Variants in SPDL1 observed in about 807,000 individuals in gnomAD.
SPDL1 encodes the protein protein Spindly.
A neutral mutation model predicts 79.5 loss-of-function variants in SPDL1; 85 were observed. That is an observed-to-expected ratio of 1.07 (90% CI 0.90 to 1.28). The LOEUF is 1.28. SPDL1 is among the 50% of genes most tolerant of loss of function. The pLI is 0.00. For missense variants in SPDL1, 703 were observed against 697.8 expected (o/e 1.01, Z -0.08); for synonymous variants, 269 against 240.3 (o/e 1.12, Z -1.10).
In SPDL1 at chr5:169,604,148, C is replaced by T; in HGVS notation, c.1759C>T (p.His587Tyr). The T allele has an allele frequency of 6.2e-7, 1 of 1,613,124 alleles. No homozygotes were observed. The highest frequency in any genetic ancestry group is 8.5e-7 in the Non-Finnish European group (1 of 1,179,638). ...KLEKETCKKLHPILYVSSKST... is the reference protein window; with the variant it reads ...KLEKETCKKLYPILYVSSKST... ...GGAAAAAGAAACTTGTAAGAAATTA[C>T]ACCCTATTCTATATGTGTCTTCTAA... Residue 587 changes from histidine (H) to tyrosine (Y), a missense_variant, in exon 12 of 12, where the codon CAC becomes TAC. Physicochemically the swap from His to Tyr is moderately conservative, Grantham distance 83. Transcript: ENST00000265295.
Position 169,596,803 on chromosome 5 carries a change from G to A in SPDL1, c.1032+102G>A, listed in dbSNP as rs1247359327. 3 of 948,514 alleles carry A rather than the reference G, an allele frequency of 3.2e-6. No individual in the cohort carries two copies. In the African/African-American group the frequency reaches 5.2e-5, roughly 17 times the overall value. 58.8% of individuals were successfully genotyped at this position (948,514 alleles called of 1,614,324 possible). On this transcript the variant is annotated intron_variant, in intron 8 of 11. Transcript: ENST00000265295. Reference sequence around the variant, plus strand: ...TAAATTATTAATAAATATCTTGTGGGAGATACTTTGAGACTAAGTAAATGG... The same window carrying A: ...TAAATTATTAATAAATATCTTGTGGAAGATACTTTGAGACTAAGTAAATGG...
intron 1 of SPDL1, 166 bp from the exon 2 acceptor site, chr5:169,588,228 T>G (rs1200748253): frequency 2.0e-6 from 1 of 488,352 alleles, no homozygotes; most frequent in South Asian, 3.2e-5. Context: ...AGAACAGTTC[T>G]TGCTCTTGGA....
intron 7 of SPDL1, 121 bp from the exon 8 acceptor site, chr5:169,596,440 A>T (rs1406289543): frequency 3.8e-6 from 3 of 792,028 alleles, no homozygotes; most frequent in Non-Finnish European, 5.9e-6. Context: ...GAAATAGCTA[A>T]TTTAGTTTCC....
At chr5:169,586,720 TACCTTCAAA>T (rs1025708188) in intron 1 of SPDL1, among the ~76,000 whole-genome samples, 9 of 152,318 alleles carry the variant, frequency 5.9e-5, no homozygotes, top group African/African-American at 2.2e-4. Flanking sequence ...ATATTGACCT[TACCTTCAAA>T]ACCTTCAAAA....
chr5:169,586,946 A>G (rs922412636), intron 1 of SPDL1, among the ~76,000 whole-genome samples: 2 of 152,148 alleles, frequency 1.3e-5, no homozygotes, highest in Non-Finnish European at 2.9e-5. Context: ...TAATGGCCTG[A>G]TTTGCCCACT....
rs149109023 is a variant in SPDL1 at position 169,601,568 on chromosome 5, T to C, written c.1613T>C (p.Val538Ala). The part of the protein sequence containing the change: ...KEKKCVKLIG[V>A]PADAEALSER... ...AAGAAATGTGTGAAACTCATAGGAG[T>C]TCCCGCTGACGCTGAGGCCTTAAGT... The change falls in exon 11 of 12, where the codon GTT (valine) becomes GCT (alanine). Residue 538 changes from valine (V) to alanine (A), a missense_variant. By Grantham distance (64) the Val-to-Ala change is moderately conservative. Coordinates refer to ENST00000265295, the MANE Select transcript of SPDL1 (RefSeq NM_017785.5). 1.2e-6 allele frequency: 2 copies of C among 1,614,092 alleles called. No homozygotes were observed. Among genetic ancestry groups the C allele is most frequent in the East Asian group, 4.5e-5 (2 of 44,880 alleles).
At position 169,596,720 on chromosome 5, in the gene SPDL1, A is replaced by C. The variant is rs779833644; in HGVS notation, c.1032+19A>C. ...ATTTAAGGTATGTATAACAGTTAAA[A>C]AAACACACATCCAAATTTTGATTTG... is the stretch of plus-strand genomic sequence containing the variant. On this transcript the variant is annotated intron_variant, in intron 8 of 11. Coordinates refer to ENST00000265295, the MANE Select transcript of SPDL1 (RefSeq NM_017785.5). The C allele has an allele frequency of 3.6e-5, 55 of 1,543,638 alleles. No individual in the cohort carries two copies. Among genetic ancestry groups the C allele is most frequent in the Non-Finnish European group, 1.6e-5 (18 of 1,153,604 alleles).
At position 169,593,355 on chromosome 5, in the gene SPDL1, T is replaced by G. The variant is rs1247707403; in HGVS notation, c.338T>G (p.Ile113Arg). The G allele has an allele frequency of 6.3e-7, 1 of 1,580,712 alleles. No individual in the cohort carries two copies. The highest frequency in any genetic ancestry group is 1.4e-5 in the African/African-American group (1 of 72,496). Residue 113 changes from isoleucine to arginine, a missense_variant and splice_region_variant, in exon 4 of 12, where the codon ATA (isoleucine) becomes AGA (arginine). Transcript: ENST00000265295. Reference sequence around the variant, plus strand: ...TGACTTTTTTTTTTTTGGCTTTAGATAGAAAAACTGAAAGTGGAATTAGAT... The same window carrying G: ...TGACTTTTTTTTTTTTGGCTTTAGAGAGAAAAACTGAAAGTGGAATTAGAT... ...GQEVNELKTK[I>R]EKLKVELDEA...
At position 169,599,041 on chromosome 5, in the gene SPDL1, G is replaced by A. The variant is rs1021573762; in HGVS notation, c.1206G>A (p.Arg402=). ...QRMKALFESQ[R]ALDIERKLFA... The stretch of plus-strand genomic sequence containing the variant: ...TGAAAGCATTATTTGAGAGCCAGCG[G>A]GCTCTAGATATTGAGCGAAAACTTT... Residue 402 remains arginine, a synonymous_variant, in exon 10 of 12, where the codon CGG becomes CGA. Coordinates refer to ENST00000265295, the MANE Select transcript of SPDL1 (RefSeq NM_017785.5). 3 of 1,595,508 alleles carry A rather than the reference G, an allele frequency of 1.9e-6. No homozygotes were observed. Among genetic ancestry groups the A allele is most frequent in the Non-Finnish European group, 2.6e-6 (3 of 1,166,982 alleles).
At chr5:169,585,848 G>A (rs1754961036) in intron 1 of SPDL1, 1 of 152,170 alleles carries the variant, frequency 6.6e-6, no homozygotes, top group Non-Finnish European at 1.5e-5. Flanking sequence ...TTCCACCACT[G>A]TACCTGCTTA....
intron 2 of SPDL1, 32 bp downstream of exon 2, chr5:169,588,607 T>A (rs1256917530): frequency 6.6e-5 from 102 of 1,554,108 alleles, no homozygotes; most frequent in Non-Finnish European, 8.7e-5. Context: ...TCTGCAAGAG[T>A]GTGCTTAGCT....
Position 169,604,364 on chromosome 5 carries a change from G to T in SPDL1, c.*157G>T. 1.6e-6 allele frequency: 1 copy of T among 640,784 alleles called. No homozygotes were observed. The allele number at this position is 640,784 out of a possible 1,614,324, so 39.7% of individuals were successfully genotyped here. A position where few individuals can be genotyped will look rare whatever the true frequency, so the allele number is the denominator to read the frequency against. ...GCCTTTGACCAAGTGTTCAGAATTT[G>T]CTTGACTCTAACCTGGAGAGCTTCT... On this transcript the variant is annotated 3_prime_UTR_variant, in exon 12 of 12. Coordinates refer to ENST00000265295, the MANE Select transcript of SPDL1 (RefSeq NM_017785.5).
At chr5:169,592,214 C>CTTTTTT (rs397884840) in intron 3 of SPDL1, among the ~76,000 whole-genome samples, 8 of 97,050 alleles carry the variant, frequency 8.2e-5, no homozygotes, top group Admixed American at 1.4e-4. Context: ...TTTTTTTTTC[C>CTTTTTT]TTTTTTTTTT....
In SPDL1 at chr5:169,596,618, G is replaced by A. The variant is rs779879065; in HGVS notation, c.949G>A (p.Glu317Lys). The change falls in exon 8 of 12, where the codon GAA (glutamate) becomes AAA (lysine). Residue 317 changes from glutamate to lysine, a missense_variant. Physicochemically the swap from Glu to Lys is moderately conservative, Grantham distance 56 (BLOSUM62 1). Coordinates refer to ENST00000265295, the MANE Select transcript of SPDL1 (RefSeq NM_017785.5). ...GTCTCAAACTGAATTTGAGCAGCAG[G>A]AACGGTTGCTTGCCATGTTGGAGCA... Reference protein sequence around the residue: ...KGSQTEFEQQERLLAMLEQKN... With the variant: ...KGSQTEFEQQKRLLAMLEQKN... 3.1e-6 allele frequency: 5 copies of A among 1,609,228 alleles called. No homozygotes were observed. The South Asian group carries it at 5.6e-5, about 18-fold the overall frequency.
chr5:169,592,610 G>A (rs1755352638), intron 3 of SPDL1, among the ~76,000 whole-genome samples: 1 of 152,020 alleles, frequency 6.6e-6, no homozygotes, highest in Admixed American at 6.5e-5. Flanking sequence ...TAATCATCTT[G>A]CATACCACTC....
At chr5:169,584,763 C>G (rs1442583976) in intron 1 of SPDL1, among the ~76,000 whole-genome samples, 1 of 152,210 alleles carries the variant, frequency 6.6e-6, no homozygotes, top group Non-Finnish European at 1.5e-5. Context: ...AAGCAAGTTA[C>G]TTAAAACTTT....
chr5:169,599,838 A>T (rs763977205), intron 10 of SPDL1, among the ~76,000 whole-genome samples: 4 of 152,130 alleles, frequency 2.6e-5, no homozygotes, highest in Non-Finnish European at 5.9e-5. Flanking sequence ...GCTCTTGGGG[A>T]GGCAGAGGGA....
chr5:169,588,275 GA>G, intron 1 of SPDL1, 118 bp from the exon 2 acceptor site: 2 of 659,288 alleles, frequency 3.0e-6, no homozygotes, highest in Middle Eastern at 4.5e-4. Flanking sequence ...TAGTCAGGAA[GA>G]AAATTTTAAT....
chr5:169,591,051 T>C lies in SPDL1; in HGVS notation c.163T>C (p.Tyr55His), dbSNP rs1755251187. The change falls in exon 3 of 12, where the codon TAT (tyrosine) becomes CAT (histidine). Residue 55 changes from tyrosine to histidine, a missense_variant. Physicochemically the swap from Tyr to His is moderately conservative, Grantham distance 83 (BLOSUM62 2). Coordinates refer to ENST00000265295, the MANE Select transcript of SPDL1 (RefSeq NM_017785.5). ...RNEMMTMTESYEQEKYTLQRE... is the reference protein window; with the variant it reads ...RNEMMTMTESHEQEKYTLQRE... Reference sequence around the variant, plus strand: ...TTGTAATTGAATCTGTTTTCAGAGTTATGAACAAGAAAAATATACCCTTCA... The same window carrying C: ...TTGTAATTGAATCTGTTTTCAGAGTCATGAACAAGAAAAATATACCCTTCA... 1 of 1,611,500 alleles carries C rather than the reference T, an allele frequency of 6.2e-7. No individual in the cohort carries two copies. The highest frequency in any genetic ancestry group is 1.7e-5 in the Admixed American group (1 of 59,562).
Sources: gnomAD v4.1 joint callset for allele counts (sites outside exome capture counted in the v4.1 genomes callset) on GRCh38, gnomAD v4.1.1 for gene constraint, MANE v1.5 for transcripts, NCBI Gene and HGNC (gene_info 2026-07-23, HGNC 2026-07-21) for gene names.